Variants in SLC39A10 observed in about 807,000 individuals in gnomAD.
SLC39A10 encodes the protein zinc transporter ZIP10.
In SLC39A10, 13 loss-of-function variants were observed where a neutral mutation model predicts 65.1. The observed-to-expected ratio is 0.20, with a 90% CI of 0.13 to 0.32. The LOEUF (loss-of-function observed/expected upper bound fraction) is 0.32, where lower values mean the gene tolerates loss of function less well. Among genes scored for constraint, SLC39A10 ranks in the 10% least tolerant of loss-of-function variants. SLC39A10 has a pLI of 1.00. For missense variants in SLC39A10, 831 were observed against 1,018.4 expected, an observed-to-expected ratio of 0.82 and a Z score of 2.50; for synonymous variants, 321 against 342.2, an observed-to-expected ratio of 0.94 and a Z score of 0.68.
At chr2:195,671,453 A>G (rs1279545589) in intron 1 of SLC39A10, among the ~76,000 whole-genome samples, 1 of 152,224 alleles carries the variant, frequency 6.6e-6, no homozygotes, top group Non-Finnish European at 1.5e-5. Flanking sequence ...ACTCTTCAGT[A>G]GATGTAACTC....
In SLC39A10 at chr2:195,665,115, A is replaced by G. The variant is rs1157193824; in HGVS notation, c.-12+7834A>G. 2.0e-5 allele frequency among the ~76,000 whole-genome samples: 3 copies of G among 152,306 alleles called. No homozygotes were observed. In the East Asian group the frequency reaches 5.8e-4, roughly 29 times the overall value. ...GAGGGGGGCTGGATCACCTGAGGTC[A>G]GGAGTTTGAGACTAGCCTGGCCAAC... On this transcript the variant is annotated intron_variant, in intron 1 of 9. Coordinates refer to ENST00000359634, the MANE Select transcript of SLC39A10 (RefSeq NM_020342.3).
At position 195,705,629 on chromosome 2, in the gene SLC39A10, T is replaced by C. The variant is rs1443648980; in HGVS notation, c.1217-987T>C. Among the ~76,000 whole-genome samples, 4 of 152,324 alleles carry C rather than the reference T, an allele frequency of 2.6e-5. No homozygotes were observed. The East Asian group carries it at 7.7e-4, about 29-fold the overall frequency. On this transcript the variant is annotated intron_variant, in intron 3 of 9. Coordinates refer to ENST00000359634, the MANE Select transcript of SLC39A10 (RefSeq NM_020342.3). Reference sequence around the variant, plus strand: ...CTTAATATAAAGTCTTTCAGCAGATTTATAGTCCTCTTAGATTTGATTTGA... The same window carrying C: ...CTTAATATAAAGTCTTTCAGCAGATCTATAGTCCTCTTAGATTTGATTTGA...
At chr2:195,697,675 A>G (rs1022236703) in intron 3 of SLC39A10, among the ~76,000 whole-genome samples, 9 of 152,070 alleles carry the variant, frequency 5.9e-5, no homozygotes, top group Non-Finnish European at 1.0e-4. Flanking sequence ...AAAGTTATGC[A>G]TATGACAAAG....
intron 2 of SLC39A10, among the ~76,000 whole-genome samples, chr2:195,633,317 G>A (rs906128134): frequency 2.0e-5 from 3 of 152,248 alleles, no homozygotes; most frequent in East Asian, 1.9e-4. Context: ...GCAGGTGAGC[G>A]GTTGCAGGAG....
intron 2 of SLC39A10, among the ~76,000 whole-genome samples, chr2:195,648,951 G>A (rs1398953446): frequency 6.6e-6 from 1 of 152,174 alleles, no homozygotes; most frequent in Non-Finnish European, 1.5e-5. Context: ...TAAATGCTTA[G>A]AGAAAGCAAC....
At position 195,728,038 on chromosome 2, in the gene SLC39A10, CAT is replaced by C. The variant is rs1004530677; in HGVS notation, c.2147-119_2147-118del. 1.2e-6 allele frequency: 1 copy of C among 862,222 alleles called. No individual in the cohort carries two copies. Among genetic ancestry groups the C allele is most frequent in the African/African-American group, 1.7e-5 (1 of 58,706 alleles). 53.4% of individuals were successfully genotyped at this position (862,222 alleles called of 1,614,324 possible). A position where few individuals can be genotyped will look rare whatever the true frequency, so the allele number is the denominator to read the frequency against. Reference sequence around the variant, plus strand: ...AATAAGTAAAATATTTTATATATCACATAAAATACTGTTATTAAAAGTGTGTA... The same window carrying C: ...AATAAGTAAAATATTTTATATATCACAAAATACTGTTATTAAAAGTGTGTA... On this transcript the variant is annotated intron_variant, in intron 8 of 9. Transcript: ENST00000359634. This position sits in a 1 kb window ranked among gnomAD's most constrained non-coding sequence, Gnocchi z 4.4.
At chr2:195,730,196 T>G (rs567343056) in intron 9 of SLC39A10, among the ~76,000 whole-genome samples, 2 of 152,276 alleles carry the variant, frequency 1.3e-5, no homozygotes, top group Admixed American at 1.3e-4. Context: ...TTTGTCAAAT[T>G]AACCATTGAC....
At chr2:195,688,989 T>C (rs1690626530) in intron 3 of SLC39A10, among the ~76,000 whole-genome samples, 3 of 152,226 alleles carry the variant, frequency 2.0e-5, no homozygotes, top group African/African-American at 7.2e-5. Flanking sequence ...GTACTTTATA[T>C]TTTTATAGAT....
At position 195,620,988 on chromosome 2, in the gene SLC39A10, G is replaced by A. The variant is rs528304865; in HGVS notation, c.-12+14755G>A. Among the ~76,000 whole-genome samples the A allele has an allele frequency of 5.9e-5, 9 of 152,254 alleles. No homozygotes were observed. The South Asian group carries it at 1.9e-3, about 32-fold the overall frequency. ...ATCTCAGAGATCAATGCAGGGGACA[G>A]AGAATCCTTGCTCCAAAAATAAATA... On this transcript the variant is annotated intron_variant, in intron 2 of 2. Coordinates refer to the SLC39A10 transcript ENST00000458054.
At chr2:195,712,898 C>T (rs1368000918) in intron 5 of SLC39A10, among the ~76,000 whole-genome samples, 1 of 152,144 alleles carries the variant, frequency 6.6e-6, no homozygotes, top group African/African-American at 2.4e-5. Flanking sequence ...CTCATTTAAT[C>T]CTCATAAAAA....
intron 2 of SLC39A10, among the ~76,000 whole-genome samples, chr2:195,622,797 C>T (rs1404460621): frequency 1.3e-5 from 2 of 151,924 alleles, no homozygotes; most frequent in Middle Eastern, 3.4e-3. Flanking sequence ...ATGGTGAAAC[C>T]CTGTCTCTAC....
chr2:195,690,997 AC>A lies in SLC39A10; in HGVS notation c.1216+7097del, dbSNP rs376681426. On this transcript the variant is annotated intron_variant, in intron 3 of 9. Transcript: ENST00000359634. ...TACCCAATGTGTAGTTTTATCCCTT[AC>A]CCCCCTCCCACCCTTTCCGCTGAGT... 5.0e-3 allele frequency among the ~76,000 whole-genome samples: 762 copies of A among 151,224 alleles called. 8 individuals carry two copies. The highest frequency in any genetic ancestry group is 0.016 in the African/African-American group (643 of 41,214).
At chr2:195,649,523 T>A (rs1393916365) in intron 2 of SLC39A10, among the ~76,000 whole-genome samples, 1 of 147,510 alleles carries the variant, frequency 6.8e-6, no homozygotes, top group African/African-American at 2.6e-5. Flanking sequence ...AAATTTGAAA[T>A]TTGATCTTAT....
chr2:195,679,041 A>G (rs1416396422), intron 1 of SLC39A10, among the ~76,000 whole-genome samples: 4 of 152,146 alleles, frequency 2.6e-5, no homozygotes, highest in Non-Finnish European at 5.9e-5. Context: ...CATACTAGCC[A>G]TTTGCTACAT....
chr2:195,632,880 AATT>A (rs1688618355), intron 2 of SLC39A10, among the ~76,000 whole-genome samples: 1 of 152,170 alleles, frequency 6.6e-6, no homozygotes, highest in Non-Finnish European at 1.5e-5. Flanking sequence ...TCAGTTTTAG[AATT>A]ATTATACATT....
rs1267781023 is a variant in SLC39A10 at position 195,737,555 on chromosome 2, T to TTAAC, written c.*2516_*2519dup. The TTAAC allele has an allele frequency of 1.1e-5, 2 of 177,360 alleles. No individual in the cohort carries two copies. The highest frequency in any genetic ancestry group is 2.4e-5 in the African/African-American group (1 of 41,652). The allele number at this position is 177,360 out of a possible 1,614,324, so 11.0% of individuals were successfully genotyped here. A position where few individuals can be genotyped will look rare whatever the true frequency, so the allele number is the denominator to read the frequency against. On this transcript the variant is annotated 3_prime_UTR_variant, in exon 10 of 10. Transcript: ENST00000359634. ...AAAATATCTAAACTTTTGTTTTGTTTTAACTGAATCATTTTTTAACTTAAA... is the reference window on the plus strand; with the variant it reads ...AAAATATCTAAACTTTTGTTTTGTTTTAACTAACTGAATCATTTTTTAACTTAAA...
intron 2 of SLC39A10, among the ~76,000 whole-genome samples, chr2:195,650,343 A>G (rs1403911992): frequency 2.0e-5 from 3 of 151,236 alleles, no homozygotes; most frequent in African/African-American, 7.3e-5. Context: ...TCATGGCACT[A>G]TGACGTGGGC....
At chr2:195,641,685 C>CTTT (rs757617526) in intron 2 of SLC39A10, among the ~76,000 whole-genome samples, 15 of 128,106 alleles carry the variant, frequency 1.2e-4, no homozygotes, top group East Asian at 7.0e-4. Flanking sequence ...TAGTATAGTT[C>CTTT]TTTTTTTTTT....
intron 2 of SLC39A10, among the ~76,000 whole-genome samples, chr2:195,635,700 C>T (rs1678877139): frequency 1.5e-5 from 1 of 65,958 alleles, no homozygotes; most frequent in Non-Finnish European, 2.7e-5. Context: ...TTTGTGGAAC[C>T]CCCCCCACTT....
Sources: gnomAD v4.1 joint callset for allele counts (sites outside exome capture counted in the v4.1 genomes callset) on GRCh38, gnomAD v4.1.1 for gene constraint, Gnocchi (gnomAD v3.1) non-coding constraint, MANE v1.5 for transcripts, NCBI Gene and HGNC (gene_info 2026-07-23, HGNC 2026-07-21) for gene names.